The following ANAPC5 variants were observed in gnomAD, a reference collection of about 807,000 sequenced individuals.
The protein encoded by ANAPC5 is anaphase promoting complex subunit 5.
Under a neutral mutation model 91.3 loss-of-function variants are expected in ANAPC5, and 60 were observed. That is an observed-to-expected ratio of 0.66 (90% confidence interval 0.53 to 0.81). ANAPC5 has a LOEUF of 0.81. Among genes scored for constraint, ANAPC5 ranks in the 40% least tolerant of loss-of-function variants. The pLI, the probability that ANAPC5 is intolerant of heterozygous loss-of-function variation, is 0.00. For missense variants in ANAPC5, 690 were observed against 931.5 expected (o/e 0.74, Z 3.37); for synonymous variants, 340 against 364.1 (o/e 0.93, Z 0.75).
intron 5 of ANAPC5, among the ~76,000 whole-genome samples, chr12:121,337,922 T>C (rs1286632693): frequency 1.3e-5 from 2 of 152,178 alleles, no homozygotes; most frequent in African/African-American, 2.4e-5. Context: ...GGGAGCCAGG[T>C]GGCTTGCCCC....
At chr12:121,310,232 G>A (rs1236865905) in intron 15 of ANAPC5, 1 of 135,394 alleles carries the variant, frequency 7.4e-6, no homozygotes, top group Non-Finnish European at 1.5e-5. Flanking sequence ...TCCGGTTGGT[G>A]TTAGTATGTT....
intron 11 of ANAPC5, among the ~76,000 whole-genome samples, chr12:121,322,600 T>C (rs916239351): frequency 2.6e-5 from 4 of 152,284 alleles, no homozygotes; most frequent in East Asian, 1.9e-4. Context: ...AAATCAATTA[T>C]GGTACATGAA....
chr12:121,321,343 CTTT>C (rs71079053), intron 11 of ANAPC5, among the ~76,000 whole-genome samples: 2 of 100,664 alleles, frequency 2.0e-5, no homozygotes, highest in Non-Finnish European at 1.9e-5. Flanking sequence ...AAACAAATTA[CTTT>C]TTTTTTTTTT....
intron 5 of ANAPC5, among the ~76,000 whole-genome samples, chr12:121,341,604 A>T (rs1001422358): frequency 6.6e-6 from 1 of 152,250 alleles, no homozygotes; most frequent in African/African-American, 2.4e-5. Context: ...TTAGATAAGT[A>T]ATAAATAGAA....
At chr12:121,330,894 C>T (rs1903017696) in intron 8 of ANAPC5, 2 of 466,042 alleles carry the variant, frequency 4.3e-6, no homozygotes, top group Admixed American at 3.9e-5. Context: ...CACCTGACAG[C>T]CACTGAGTGG....
rs1903519519 is a variant in ANAPC5, at chr12:121,342,991, T to A, written c.591-922A>T. 6.6e-6 allele frequency among the ~76,000 whole-genome samples: 1 copy of A among 152,224 alleles called. No individual in the cohort carries two copies. Among genetic ancestry groups the A allele is most frequent in the African/African-American group, 2.4e-5 (1 of 41,470 alleles). ...ATTTCTTTTAGACAAAGAATTATAA[T>A]CATTAGTTAGATTTAAATATAAAGA... On this transcript the variant is annotated intron_variant, in intron 4 of 16. Transcript: ENST00000261819. The surrounding 1 kb of genome is among the most constrained non-coding windows in gnomAD (Gnocchi z 4.1).
upstream of ANAPC5, among the ~76,000 whole-genome samples, chr12:121,352,707 G>GGTTGTT (rs201395836): frequency 2.2e-4 from 24 of 109,328 alleles, no homozygotes; most frequent in South Asian, 7.0e-4. Context: ...TTTTGTTGTT[G>GGTTGTT]GTTGTTGTTG....
In ANAPC5 at chr12:121,318,584, C is replaced by T. The variant is rs752761308; in HGVS notation, c.1662G>A (p.Gln554=). ...VYRKAVVLQA[Q]NQMSEAHKLL... is the part of the protein sequence containing the mutation. The stretch of plus-strand genomic sequence containing the variant: ...GCTTATGTGCCTCTGACATTTGGTT[C>T]TGAGCTTGTAATACAACCGCTTTCC... The change falls in exon 14 of 17, where the codon CAG becomes CAA. Residue 554 remains glutamine, a synonymous_variant. Coordinates refer to ENST00000261819, the MANE Select transcript of ANAPC5 (RefSeq NM_016237.5). The T allele has an allele frequency of 6.2e-7, 1 of 1,614,114 alleles. No individual in the cohort carries two copies. Among genetic ancestry groups the T allele is most frequent in the Non-Finnish European group, 8.5e-7 (1 of 1,180,026 alleles).
intron 7 of ANAPC5, chr12:121,332,123 C>T (rs1471881375): frequency 6.6e-6 from 1 of 152,194 alleles, no homozygotes; most frequent in Non-Finnish European, 1.5e-5. Context: ...GCTCATACCA[C>T]CATGCCCAGC....
chr12:121,335,572 G>A lies in ANAPC5; in HGVS notation c.911C>T (p.Ala304Val). The change falls in exon 7 of 17, where the codon GCT becomes GTT. Residue 304 changes from alanine to valine, a missense_variant. Physicochemically the swap from Ala to Val is moderately conservative, Grantham distance 64. Transcript: ENST00000261819. ...EGYGRSLRYA[A>V]LNLAALHCRF... Reference sequence around the variant, plus strand: ...GCAGTGCAGGGCGGCAAGATTCAGAGCGGCGTATCTCAAGCTCCGGCCATA... The same window carrying A: ...GCAGTGCAGGGCGGCAAGATTCAGAACGGCGTATCTCAAGCTCCGGCCATA... 1.2e-6 allele frequency: 2 copies of A among 1,613,372 alleles called. No individual in the cohort carries two copies. The highest frequency in any genetic ancestry group is 2.2e-5 in the East Asian group (1 of 44,888).
intron 15 of ANAPC5, among the ~76,000 whole-genome samples, chr12:121,313,458 T>C (rs912414249): frequency 8.5e-5 from 13 of 152,104 alleles, no homozygotes; most frequent in Admixed American, 7.2e-4. Context: ...AGAGAATCAA[T>C]AAAACCAAAA....
chr12:121,324,434 A>T (rs1555272118), intron 11 of ANAPC5, among the ~76,000 whole-genome samples: 1 of 152,158 alleles, frequency 6.6e-6, no homozygotes, highest in East Asian at 1.9e-4. Context: ...AAGCCAAACA[A>T]TGATTGGGTC....
chr12:121,352,552 G>T, upstream of ANAPC5: 2 of 527,824 alleles, frequency 3.8e-6, no homozygotes, highest in Non-Finnish European at 6.7e-6. Flanking sequence ...AGTGCGGGGA[G>T]GGGTGCACCA....
chr12:121,343,721 A>G lies in ANAPC5; in HGVS notation c.591-1652T>C, dbSNP rs368017839. ...GATAAGCATTCCCCATTTATAAACA[A>G]TGTCACCCCCTGCCACCCTGGGGAT... is the stretch of plus-strand genomic sequence containing the variant. On this transcript the variant is annotated intron_variant, in intron 4 of 16. Coordinates refer to ENST00000261819, the MANE Select transcript of ANAPC5 (RefSeq NM_016237.5). 7.2e-5 allele frequency among the ~76,000 whole-genome samples: 11 copies of G among 152,280 alleles called. No individual in the cohort carries two copies. In the East Asian group the frequency reaches 1.7e-3, roughly 24 times the overall value.
chr12:121,322,254 G>A (rs1400302803), intron 11 of ANAPC5, among the ~76,000 whole-genome samples: 1 of 151,534 alleles, frequency 6.6e-6, no homozygotes, highest in Non-Finnish European at 1.5e-5. Flanking sequence ...CACCTCCCAG[G>A]TTCAAGCAAT....
chr12:121,330,209 T>A (rs1192647734), intron 9 of ANAPC5, among the ~76,000 whole-genome samples: 2 of 152,210 alleles, frequency 1.3e-5, no homozygotes, highest in Non-Finnish European at 2.9e-5. Context: ...AGCCCCTAAG[T>A]AGGCAGAAAG....
intron 1 of ANAPC5, among the ~76,000 whole-genome samples, chr12:121,348,798 A>G (rs535134226): frequency 9.8e-5 from 15 of 152,358 alleles, no homozygotes; most frequent in African/African-American, 3.1e-4. Flanking sequence ...ATATATGCCA[A>G]CTTTAGATGT....
chr12:121,335,858 ATCT>A (rs1903216099), intron 6 of ANAPC5, 135 bp from the exon 7 acceptor site: 1 of 687,584 alleles, frequency 1.5e-6, no homozygotes. Flanking sequence ...GTTTAGCTTA[ATCT>A]TCTCCCTAGA....
At position 121,330,687 on chromosome 12, in the gene ANAPC5, C is replaced by A. The variant is rs1239296460; in HGVS notation, c.1033-15G>T. 3.7e-6 allele frequency: 6 copies of A among 1,607,222 alleles called. No individual in the cohort carries two copies. Among genetic ancestry groups the A allele is most frequent in the Non-Finnish European group, 5.1e-6 (6 of 1,173,986 alleles). On this transcript the variant is annotated splice_polypyrimidine_tract_variant and intron_variant, in intron 8 of 16. Transcript: ENST00000261819. Reference sequence around the variant, plus strand: ...TAAAGCCAGCTCTGGCAAGAGAAATCATCAAAATATATCATAACAGTGGCA... The same window carrying A: ...TAAAGCCAGCTCTGGCAAGAGAAATAATCAAAATATATCATAACAGTGGCA...
Sources: allele counts gnomAD v4.1 joint callset (sites outside exome capture counted in the v4.1 genomes callset), GRCh38; gene constraint gnomAD v4.1.1; non-coding constraint Gnocchi (gnomAD v3.1); transcripts MANE v1.5; gene names NCBI Gene and HGNC (gene_info 2026-07-23, HGNC 2026-07-21).